Variants in HBS1L observed in about 807,000 individuals in gnomAD.
The protein encoded by HBS1L is HBS1 like translational GTPase, also known as HBS1-like protein.
In HBS1L, 55 loss-of-function variants were observed where a neutral mutation model predicts 88.9. The observed-to-expected ratio is 0.62, with a 90% CI of 0.50 to 0.77. The LOEUF (loss-of-function observed/expected upper bound fraction) is 0.77, where lower values mean the gene tolerates loss of function less well. Among genes scored for constraint, HBS1L ranks in the 30% least tolerant of loss-of-function variants. The pLI is 0.00. For synonymous variants in HBS1L, 267 were observed against 288.5 expected, an observed-to-expected ratio of 0.93 and a Z score of 0.76; for missense variants, 741 against 829.3, an observed-to-expected ratio of 0.89 and a Z score of 1.31.
rs374747236 is a variant in HBS1L at position 134,988,360 on chromosome 6, C to CA, written c.1084-570dup. Among the ~76,000 whole-genome samples the CA allele has an allele frequency of 1.5e-3, 207 of 138,158 alleles. 1 individual carries two copies. Among genetic ancestry groups the CA allele is most frequent in the Middle Eastern group, 0.011 (3 of 262 alleles). The allele number at this position is 138,158 out of a possible 152,430, so 90.6% of individuals were successfully genotyped here. A position where few individuals can be genotyped will look rare whatever the true frequency, so the allele number is the denominator to read the frequency against. ...CCTAGGTGACAGAACAAGACTGTCT[C>CA]AAAAAAACAAAAAACAGTAGACAGG... is the stretch of plus-strand genomic sequence containing the variant. On this transcript the variant is annotated intron_variant, in intron 8 of 17. Transcript: ENST00000367837.
At chr6:135,044,950 G>A (rs1446574697) in intron 2 of HBS1L, among the ~76,000 whole-genome samples, 1 of 152,122 alleles carries the variant, frequency 6.6e-6, no homozygotes, top group Non-Finnish European at 1.5e-5. Context: ...TTCTGTGGTG[G>A]GGTCGAGGGT....
In HBS1L at chr6:134,962,594, C is replaced by T. The variant is rs1774211041; in HGVS notation, c.*2685G>A. On this transcript the variant is annotated 3_prime_UTR_variant, in exon 18 of 18. Transcript: ENST00000367837. The stretch of plus-strand genomic sequence containing the variant: ...AATTGTCATGAATGTGTGAATAATA[C>T]TAACAAGTCAAAACATAGTTCTGTA... 6.6e-6 allele frequency: 1 copy of T among 152,186 alleles called. No homozygotes were observed. Among genetic ancestry groups the T allele is most frequent in the South Asian group, 2.1e-4 (1 of 4,830 alleles). The allele number at this position is 152,186 out of a possible 1,614,324, so 9.4% of individuals were successfully genotyped here.
chr6:134,986,877 G>A lies in HBS1L; in HGVS notation c.1231-67C>T. On this transcript the variant is annotated intron_variant, in intron 9 of 17. Transcript: ENST00000367837. Reference sequence around the variant, plus strand: ...CATGATACATAAAATTTAAATTTCTGCAATGAAATATAATCAAGACTATAT... The same window carrying A: ...CATGATACATAAAATTTAAATTTCTACAATGAAATATAATCAAGACTATAT... 8.7e-6 allele frequency: 6 copies of A among 687,716 alleles called. No homozygotes were observed. In the South Asian group the frequency reaches 1.4e-4, roughly 16 times the overall value. The allele number at this position is 687,716 out of a possible 1,614,324, so 42.6% of individuals were successfully genotyped here. A position where few individuals can be genotyped will look rare whatever the true frequency, so the allele number is the denominator to read the frequency against.
At chr6:135,044,262 TTC>T (rs1243407024) in intron 2 of HBS1L, among the ~76,000 whole-genome samples, 1 of 152,202 alleles carries the variant, frequency 6.6e-6, no homozygotes, top group Admixed American at 6.5e-5. Context: ...AGATAATTAT[TTC>T]TGTTTCCACT....
chr6:135,034,300 C>T (rs935435258), intron 4 of HBS1L, among the ~76,000 whole-genome samples: 1 of 151,962 alleles, frequency 6.6e-6, no homozygotes, highest in African/African-American at 2.4e-5. Context: ...AAAGTAGCTG[C>T]CAGAGAAAAA....
At chr6:135,012,974 G>T (rs1300730101) in intron 4 of HBS1L, among the ~76,000 whole-genome samples, 1 of 152,170 alleles carries the variant, frequency 6.6e-6, no homozygotes, top group Non-Finnish European at 1.5e-5. Flanking sequence ...AAAGTTACAT[G>T]CATACTTTTC....
intron 15 of HBS1L, among the ~76,000 whole-genome samples, chr6:134,971,091 C>T (rs1406033106): frequency 7.3e-6 from 1 of 136,218 alleles, no homozygotes; most frequent in Non-Finnish European, 1.6e-5. Flanking sequence ...CTTTCTAAAC[C>T]AACTCATTCA....
chr6:135,028,592 G>C lies in HBS1L; in HGVS notation c.430+10981C>G, dbSNP rs80228561. On this transcript the variant is annotated intron_variant, in intron 4 of 17. Coordinates refer to ENST00000367837, the MANE Select transcript of HBS1L (RefSeq NM_006620.4). The stretch of plus-strand genomic sequence containing the variant: ...ATCACAAGAAAAACCAAAATCCAAA[G>C]AGCATACACATACACACGAATGCAA... Among the ~76,000 whole-genome samples, 267 of 152,134 alleles carry C rather than the reference G, an allele frequency of 1.8e-3. 1 individual carries two copies. The highest frequency in any genetic ancestry group is 6.1e-3 in the African/African-American group (253 of 41,538).
At chr6:135,023,173 A>G (rs9389257) in intron 4 of HBS1L, among the ~76,000 whole-genome samples, 71,851 of 151,846 alleles carry the variant, frequency 0.47, 17,244 homozygotes, top group South Asian at 0.56. Flanking sequence ...GGCCGGGCAC[A>G]CTGGCTCACG....
chr6:134,996,719 C>T, intron 7 of HBS1L, 58 bp downstream of exon 7: 5 of 1,235,588 alleles, frequency 4.0e-6, no homozygotes, highest in Admixed American at 4.9e-5. Flanking sequence ...ACATATTACA[C>T]ACTTATTTTA....
intron 2 of HBS1L, among the ~76,000 whole-genome samples, chr6:135,049,007 T>C (rs1776997713): frequency 6.6e-6 from 1 of 152,174 alleles, no homozygotes; most frequent in Non-Finnish European, 1.5e-5. Flanking sequence ...ATATTTGGTC[T>C]GCAGAGGCTA....
intron 4 of HBS1L, among the ~76,000 whole-genome samples, chr6:135,030,822 T>G (rs1776363448): frequency 6.6e-6 from 1 of 151,118 alleles, no homozygotes; most frequent in African/African-American, 2.4e-5. Flanking sequence ...GGTTCTACAT[T>G]TGTGAATTCA....
Position 135,054,198 on chromosome 6 carries a change from C to G in HBS1L, c.43+451G>C, listed in dbSNP as rs545022331. On this transcript the variant is annotated intron_variant, in intron 1 of 17. Transcript: ENST00000367837. ...TACACAAAAGGTTTACCATGTAAAT[C>G]TAACACAGGTACACGTCCGTTGAAT... Among the ~76,000 whole-genome samples the G allele has an allele frequency of 2.0e-3, 299 of 152,380 alleles. 1 individual carries two copies. Among genetic ancestry groups the G allele is most frequent in the Middle Eastern group, 3.4e-3 (1 of 294 alleles).
In HBS1L at chr6:135,054,733, C is replaced by T. The variant is rs945946974; in HGVS notation, c.-42G>A. The T allele has an allele frequency of 8.1e-6, 13 of 1,611,964 alleles. No homozygotes were observed. The highest frequency in any genetic ancestry group is 1.6e-4 in the Middle Eastern group (1 of 6,078). ...TTTGCCACAGCCCCTTAACTCCTTC[C>T]AAAACACTCCGCTTAGATACTGATA... On this transcript the variant is annotated 5_prime_UTR_variant, in exon 1 of 18. Coordinates refer to ENST00000367837, the MANE Select transcript of HBS1L (RefSeq NM_006620.4).
rs560534379 is a variant in HBS1L, at chr6:134,966,608, TG to T, written c.1899-136del. 108 of 575,106 alleles carry T rather than the reference TG, an allele frequency of 1.9e-4. No individual in the cohort carries two copies. The East Asian group carries it at 3.0e-3, about 16-fold the overall frequency. 35.6% of individuals were successfully genotyped at this position (575,106 alleles called of 1,614,324 possible). A position where few individuals can be genotyped will look rare whatever the true frequency, so the allele number is the denominator to read the frequency against. ...TTTCAAAAACAAGAAAAATATTTTT[TG>T]AATGAAAATATATGTCTTTGGACTT... On this transcript the variant is annotated intron_variant, in intron 16 of 17. Coordinates refer to ENST00000367837, the MANE Select transcript of HBS1L (RefSeq NM_006620.4).
chr6:135,041,720 G>A (rs1044770172), intron 3 of HBS1L, among the ~76,000 whole-genome samples: 47 of 152,104 alleles, frequency 3.1e-4, no homozygotes, highest in African/African-American at 9.6e-4. Context: ...TCTTCTTAAC[G>A]AATCACTAGA....
At chr6:134,987,320 T>C (rs1000535015) in intron 9 of HBS1L, among the ~76,000 whole-genome samples, 1 of 152,136 alleles carries the variant, frequency 6.6e-6, no homozygotes, top group South Asian at 2.1e-4. Context: ...AAATGAAATG[T>C]TATAAGTTTC....
rs760812149 is a variant in HBS1L at position 135,050,563 on chromosome 6, A to G, written c.109+19T>C. On this transcript the variant is annotated intron_variant, in intron 2 of 17. Transcript: ENST00000367837. ...TTAAACACCAAATCTAAGGAATCAA[A>G]TTATTTTTAAAAATTCACCTGTTGA... 4 of 1,532,378 alleles carry G rather than the reference A, an allele frequency of 2.6e-6. No homozygotes were observed. Among genetic ancestry groups the G allele is most frequent in the Admixed American group, 1.8e-5 (1 of 56,506 alleles). 94.9% of individuals were successfully genotyped at this position (1,532,378 alleles called of 1,614,324 possible).
At chr6:134,982,769 C>CA in intron 12 of HBS1L, 1 of 349,536 alleles carries the variant, frequency 2.9e-6, no homozygotes, top group South Asian at 9.4e-5. Flanking sequence ...CTCATATTAC[C>CA]AAAGAAAGGT....
Sources: gnomAD v4.1 joint callset for allele counts (sites outside exome capture counted in the v4.1 genomes callset) on GRCh38, gnomAD v4.1.1 for gene constraint, MANE v1.5 for transcripts, NCBI Gene and HGNC (gene_info 2026-07-23, HGNC 2026-07-21) for gene names.